Variants in EIF4G3 observed in about 807,000 individuals in gnomAD.
EIF4G3 encodes eukaryotic translation initiation factor 4 gamma 3.
In EIF4G3, 34 loss-of-function variants were observed where a neutral mutation model predicts 186.4. The ratio of observed to expected loss-of-function variants is 0.18; its 90% CI spans 0.14 to 0.24. EIF4G3 has a LOEUF of 0.24. Among genes scored for constraint, EIF4G3 ranks in the 10% least tolerant of loss-of-function variants. The probability of loss-of-function intolerance (pLI) is 1.00; values close to 1 mark genes in which losing one functional copy is unlikely to be tolerated. For missense variants in EIF4G3, 1,536 were observed against 1,948.5 expected, an observed-to-expected ratio of 0.79 and a Z score of 3.99; for synonymous variants, 673 against 679.5, an observed-to-expected ratio of 0.99 and a Z score of 0.15.
rs1377541020 is a variant in EIF4G3 at position 21,054,441 on chromosome 1, GCGAGAAACAC to G, written c.-195-3457_-195-3448del. 4.7e-5 allele frequency among the ~76,000 whole-genome samples: 7 copies of G among 148,466 alleles called. No individual in the cohort carries two copies. The East Asian group carries it at 1.4e-3, about 29-fold the overall frequency. On this transcript the variant is annotated intron_variant, in intron 3 of 36. Coordinates refer to ENST00000602326, the MANE Select transcript of EIF4G3 (RefSeq NM_001391906.1). Reference sequence around the variant, plus strand: ...CTGTGACCCTGCCAAATCCCCCTCTGCGAGAAACACCCAAGAATGATCAATAAAAAAAAAA... The same window carrying G: ...CTGTGACCCTGCCAAATCCCCCTCTGCCAAGAATGATCAATAAAAAAAAAA...
chr1:21,091,577 T>C (rs1459369551), intron 2 of EIF4G3, among the ~76,000 whole-genome samples: 2 of 152,176 alleles, frequency 1.3e-5, no homozygotes, highest in Non-Finnish European at 2.9e-5. Flanking sequence ...CCTGCCTCTA[T>C]TAAAAAAAAA....
chr1:20,976,200 A>G (rs1218157674), intron 10 of EIF4G3, among the ~76,000 whole-genome samples: 1 of 151,554 alleles, frequency 6.6e-6, no homozygotes, highest in Non-Finnish European at 1.5e-5. Context: ...TTATACTTTA[A>G]GTTTTAGGGT....
chr1:20,927,018 G>A (rs1305489788), intron 14 of EIF4G3, among the ~76,000 whole-genome samples: 1 of 151,056 alleles, frequency 6.6e-6, no homozygotes, highest in Admixed American at 6.6e-5. Flanking sequence ...CTTGTGAATA[G>A]AGTCATATTG....
chr1:20,900,674 A>G (rs1302865751), intron 15 of EIF4G3, among the ~76,000 whole-genome samples: 1 of 152,142 alleles, frequency 6.6e-6, no homozygotes, highest in Non-Finnish European at 1.5e-5. Flanking sequence ...TAAAGGCCTC[A>G]TGAATCTTCA....
chr1:21,123,434 C>T (rs1292754798), intron 2 of EIF4G3, among the ~76,000 whole-genome samples: 3 of 151,762 alleles, frequency 2.0e-5, no homozygotes, highest in South Asian at 2.1e-4. Context: ...TTTGGTGACA[C>T]GCACCTGTAG....
intron 4 of EIF4G3, among the ~76,000 whole-genome samples, chr1:21,018,307 C>A (rs772759884): frequency 6.6e-6 from 1 of 152,082 alleles, no homozygotes; most frequent in Non-Finnish European, 1.5e-5. Context: ...GTGAGCCGGG[C>A]ACAGTGGCTC....
intron 2 of EIF4G3, among the ~76,000 whole-genome samples, chr1:21,139,282 T>C (rs1371594735): frequency 6.6e-6 from 1 of 152,080 alleles, no homozygotes; most frequent in East Asian, 1.9e-4. Flanking sequence ...TTCTGGATCA[T>C]GACAAGCCAA....
chr1:21,095,951 A>T (rs1372985738), intron 2 of EIF4G3, among the ~76,000 whole-genome samples: 1 of 152,236 alleles, frequency 6.6e-6, no homozygotes, highest in Admixed American at 6.5e-5. Flanking sequence ...CAAAAGTTTC[A>T]AATGAAGTTT....
intron 2 of EIF4G3, among the ~76,000 whole-genome samples, chr1:21,091,074 C>T (rs192024506): frequency 7.4e-4 from 112 of 152,248 alleles, no homozygotes; most frequent in Non-Finnish European, 1.3e-3. Flanking sequence ...CACAAAGATA[C>T]CGAACAGGAT....
intron 2 of EIF4G3, among the ~76,000 whole-genome samples, chr1:21,102,669 C>T (rs2096548452): frequency 1.3e-5 from 2 of 152,186 alleles, no homozygotes; most frequent in Admixed American, 6.5e-5. Flanking sequence ...ACCACCTTGA[C>T]TCTTGTCATC....
In EIF4G3 at chr1:20,807,172, T is replaced by A. The variant is rs1006167053; in HGVS notation, c.*147A>T. On this transcript the variant is annotated 3_prime_UTR_variant, in exon 37 of 37. Transcript: ENST00000602326. ...AGTACCTTTTTCCTCCATGATCACC[T>A]TTTTTTCTCTTTCCCCTCTCCCACT... 4 of 616,328 alleles carry A rather than the reference T, an allele frequency of 6.5e-6. No individual in the cohort carries two copies. Among genetic ancestry groups the A allele is most frequent in the Admixed American group, 3.6e-5 (1 of 27,866 alleles). 38.2% of individuals were successfully genotyped at this position (616,328 alleles called of 1,614,324 possible). A position where few individuals can be genotyped will look rare whatever the true frequency, so the allele number is the denominator to read the frequency against.
intron 34 of EIF4G3, among the ~76,000 whole-genome samples, chr1:20,816,415 G>C (rs2060925713): frequency 7.6e-6 from 1 of 131,548 alleles, no homozygotes; most frequent in South Asian, 2.6e-4. Flanking sequence ...CGGGAGGTGG[G>C]GGCGCCTCTG....
At position 21,176,258 on chromosome 1, in the gene EIF4G3, C is replaced by CGCCGCCGCTGCT. The variant is rs921068712; in HGVS notation, c.-367_-356dup. ...CCGCCGCCGCCGCCGCCGCCGCCGC[C>CGCCGCCGCTGCT]GCCGCCGCTGCTGCCGCCGCCGGGT... On this transcript the variant is annotated 5_prime_UTR_variant, in exon 2 of 37. Coordinates refer to ENST00000602326, the MANE Select transcript of EIF4G3 (RefSeq NM_001391906.1). 1 of 376,076 alleles carries CGCCGCCGCTGCT rather than the reference C, an allele frequency of 2.7e-6. No homozygotes were observed. The highest frequency in any genetic ancestry group is 4.6e-6 in the Non-Finnish European group (1 of 216,712). The allele number at this position is 376,076 out of a possible 1,614,324, so 23.3% of individuals were successfully genotyped here.
chr1:20,988,775 T>A (rs1279965576), intron 7 of EIF4G3, among the ~76,000 whole-genome samples: 1 of 151,868 alleles, frequency 6.6e-6, no homozygotes, highest in Non-Finnish European at 1.5e-5. Flanking sequence ...AAGGAGTAGT[T>A]TTGATTTTCA....
At position 21,176,840 on chromosome 1, in the gene EIF4G3, A is replaced by C; in HGVS notation, c.-574T>G. ...GATGCCGGTGGATTTTCTTCACTCA[A>C]CGAGCAGAGCATCCAACATGGCGCT... On this transcript the variant is annotated 5_prime_UTR_variant, in exon 1 of 37. Coordinates refer to ENST00000602326, the MANE Select transcript of EIF4G3 (RefSeq NM_001391906.1). 1 of 701,618 alleles carries C rather than the reference A, an allele frequency of 1.4e-6. No individual in the cohort carries two copies. The highest frequency in any genetic ancestry group is 2.6e-6 in the Non-Finnish European group (1 of 384,128). 43.5% of individuals were successfully genotyped at this position (701,618 alleles called of 1,614,324 possible). A position where few individuals can be genotyped will look rare whatever the true frequency, so the allele number is the denominator to read the frequency against.
intron 3 of EIF4G3, among the ~76,000 whole-genome samples, chr1:21,053,431 A>AC (rs924640917): frequency 3.1e-5 from 3 of 96,970 alleles, no homozygotes; most frequent in African/African-American, 1.3e-4. Context: ...GGGTTAGCCC[A>AC]CCCCCCGGCC....
intron 14 of EIF4G3, among the ~76,000 whole-genome samples, chr1:20,907,381 ATTT>A (rs1043094355): frequency 2.6e-5 from 4 of 151,582 alleles, no homozygotes; most frequent in Non-Finnish European, 4.4e-5. Flanking sequence ...ATTTTTGCAA[ATTT>A]TTTTTTAAAT....
intron 3 of EIF4G3, among the ~76,000 whole-genome samples, chr1:21,052,789 G>C (rs1056941790): frequency 6.6e-6 from 1 of 152,196 alleles, no homozygotes; most frequent in Non-Finnish European, 1.5e-5. Flanking sequence ...CGCTGTGTTG[G>C]CCGGGCTGGT....
chr1:21,038,433 T>C (rs2093366988), intron 4 of EIF4G3, among the ~76,000 whole-genome samples: 1 of 152,226 alleles, frequency 6.6e-6, no homozygotes, highest in African/African-American at 2.4e-5. Context: ...CTGGACCTAC[T>C]ACTGATAGCC....
Sources: gnomAD v4.1 joint callset for allele counts (sites outside exome capture counted in the v4.1 genomes callset) on GRCh38, gnomAD v4.1.1 for gene constraint, MANE v1.5 for transcripts, NCBI Gene and HGNC (gene_info 2026-07-23, HGNC 2026-07-21) for gene names.